Variants in ATF6 observed in about 807,000 individuals in gnomAD.
ATF6 encodes activating transcription factor 6, also known as cyclic AMP-dependent transcription factor ATF-6 alpha.
Under a neutral mutation model 83.6 loss-of-function variants are expected in ATF6, and 53 were observed. That is an observed-to-expected ratio of 0.63 (90% CI 0.51 to 0.80). ATF6 has a LOEUF of 0.80. Ranked by LOEUF, ATF6 falls within the 30% of genes least tolerant of loss-of-function variation. The pLI, the probability that ATF6 is intolerant of heterozygous loss-of-function variation, is 0.00. For synonymous variants in ATF6, 288 were observed against 285.8 expected (o/e 1.01, Z -0.08); for missense variants, 744 against 797.9 (o/e 0.93, Z 0.81).
intron 14 of ATF6, among the ~76,000 whole-genome samples, chr1:161,874,152 A>G (rs1467686646): frequency 1.3e-5 from 2 of 151,654 alleles, no homozygotes. Flanking sequence ...TTTCAAAGTC[A>G]GAACACTGAT....
At chr1:161,782,775 G>A (rs903740640) in intron 3 of ATF6, among the ~76,000 whole-genome samples, 3 of 141,348 alleles carry the variant, frequency 2.1e-5, no homozygotes, top group Admixed American at 7.3e-5. Flanking sequence ...GATACACAAA[G>A]TCAGTGTTCT....
At position 161,937,047 on chromosome 1, in the gene ATF6, C is replaced by G. The variant is rs142855135; in HGVS notation, c.1805-21399C>G. Among the ~76,000 whole-genome samples the G allele has an allele frequency of 1.0e-2, 1,522 of 152,328 alleles. 14 individuals are homozygous for G. The highest frequency in any genetic ancestry group is 0.026 in the South Asian group (125 of 4,822). On this transcript the variant is annotated intron_variant, in intron 15 of 15. Transcript: ENST00000367942. ...CTTTCTTACTTCTTACCTTCTTGCA[C>G]TACCACTTTGGACCAAATCATCAGA...
chr1:161,957,271 T>A (rs1688987133), intron 15 of ATF6, among the ~76,000 whole-genome samples: 1 of 152,216 alleles, frequency 6.6e-6, no homozygotes, highest in Non-Finnish European at 1.5e-5. Flanking sequence ...ACTGGTTGGC[T>A]CTGTGTCATC....
chr1:161,835,550 ATTTC>A (rs1191066000), intron 9 of ATF6, among the ~76,000 whole-genome samples: 1 of 152,124 alleles, frequency 6.6e-6, no homozygotes, highest in Non-Finnish European at 1.5e-5. Context: ...ATAGTTTTGT[ATTTC>A]TTTCTTCCTA....
At chr1:161,920,496 A>T (rs1688190076) in intron 15 of ATF6, among the ~76,000 whole-genome samples, 1 of 151,642 alleles carries the variant, frequency 6.6e-6, no homozygotes, top group Non-Finnish European at 1.5e-5. Flanking sequence ...GGGTTTCATG[A>T]TGTTAGCCAG....
chr1:161,832,248 T>C (rs1290264394), intron 9 of ATF6, among the ~76,000 whole-genome samples: 1 of 152,092 alleles, frequency 6.6e-6, no homozygotes, highest in East Asian at 1.9e-4. Context: ...GTTAAAATTA[T>C]AAAAACAATG....
rs1684265282 is a variant in ATF6, at chr1:161,766,462, G to C, written c.82+20G>C. ...ATTGGGGTGAGTGGGATCTGAGAAT[G>C]TACCAGGGTGGCTCGGGTTCGCGTC... is the stretch of plus-strand genomic sequence containing the variant. On this transcript the variant is annotated intron_variant, in intron 1 of 15. Coordinates refer to ENST00000367942, the MANE Select transcript of ATF6 (RefSeq NM_007348.4). 5.0e-6 allele frequency: 8 copies of C among 1,609,470 alleles called. No homozygotes were observed. Among genetic ancestry groups the C allele is most frequent in the Non-Finnish European group, 6.8e-6 (8 of 1,177,194 alleles).
At chr1:161,839,868 G>C (rs1430198996) in intron 9 of ATF6, among the ~76,000 whole-genome samples, 1 of 152,218 alleles carries the variant, frequency 6.6e-6, no homozygotes, top group African/African-American at 2.4e-5. Flanking sequence ...GCTAAAGAGA[G>C]AGTAGTAGGA....
At chr1:161,863,362 A>G (rs1161661028) in intron 14 of ATF6, 50 bp downstream of exon 14, 1 of 1,196,450 alleles carries the variant, frequency 8.4e-7, no homozygotes, top group South Asian at 1.2e-5. Flanking sequence ...TGCTTGCCGT[A>G]CACAAGACAT....
At chr1:161,921,286 A>C (rs577243992) in intron 15 of ATF6, among the ~76,000 whole-genome samples, 2 of 152,362 alleles carry the variant, frequency 1.3e-5, no homozygotes, top group South Asian at 4.1e-4. Flanking sequence ...CAGATGATTT[A>C]GGTCATTAAT....
In ATF6 at chr1:161,836,239, T is replaced by C. The variant is rs1686210256; in HGVS notation, c.1188-10210T>C. On this transcript the variant is annotated intron_variant, in intron 9 of 15. Transcript: ENST00000367942. The stretch of plus-strand genomic sequence containing the variant: ...TCTAGCTTCTTATCCTGAGATGAGC[T>C]TGTCTCCAAATCTGGTTCCAATTTT... 2.0e-5 allele frequency among the ~76,000 whole-genome samples: 3 copies of C among 152,340 alleles called. No homozygotes were observed. In the South Asian group the frequency reaches 6.2e-4, roughly 32 times the overall value.
chr1:161,863,248 A>T lies in ATF6; in HGVS notation c.1655A>T (p.Tyr552Phe). ...GTGTATTATGCTTCACCCAGAAGTT[A>T]TCAAGACTTTTTTGAAGCCATCCGC... Reference protein sequence around the residue: ...LQVYYASPRSYQDFFEAIRRR... With the variant: ...LQVYYASPRSFQDFFEAIRRR... Residue 552 changes from tyrosine (Y) to phenylalanine (F), a missense_variant, in exon 14 of 16, where the codon TAT (tyrosine) becomes TTT (phenylalanine). Physicochemically the swap from Tyr to Phe is conservative, Grantham distance 22 (BLOSUM62 3). Coordinates refer to ENST00000367942, the MANE Select transcript of ATF6 (RefSeq NM_007348.4). The T allele has an allele frequency of 6.2e-7, 1 of 1,613,460 alleles. No individual in the cohort carries two copies. The highest frequency in any genetic ancestry group is 1.1e-5 in the South Asian group (1 of 91,062).
At chr1:161,767,920 A>G (rs1242286800) in intron 1 of ATF6, among the ~76,000 whole-genome samples, 1 of 152,132 alleles carries the variant, frequency 6.6e-6, no homozygotes, top group Non-Finnish European at 1.5e-5. Context: ...TAATGGCGCA[A>G]TCTTGGCTCA....
At chr1:161,861,644 C>A (rs745645626) in intron 13 of ATF6, among the ~76,000 whole-genome samples, 2 of 152,066 alleles carry the variant, frequency 1.3e-5, no homozygotes, top group African/African-American at 4.8e-5. Context: ...GCTAATTCAC[C>A]TACTAAAATC....
chr1:161,962,221 A>G lies in ATF6; in HGVS notation c.*3567A>G, dbSNP rs1026328897. 5 of 152,136 alleles carry G rather than the reference A, an allele frequency of 3.3e-5. No individual in the cohort carries two copies. Among genetic ancestry groups the G allele is most frequent in the African/African-American group, 4.8e-5 (2 of 41,426 alleles). 9.4% of individuals were successfully genotyped at this position (152,136 alleles called of 1,614,324 possible). ...GTTGACACGGAGGTATTTGAAAGCA[A>G]TGTTATGTGAGTCATTCTTAAGTGT... On this transcript the variant is annotated 3_prime_UTR_variant, in exon 16 of 16. Coordinates refer to ENST00000367942, the MANE Select transcript of ATF6 (RefSeq NM_007348.4).
At chr1:161,836,298 A>G (rs1395232642) in intron 9 of ATF6, among the ~76,000 whole-genome samples, 1 of 152,208 alleles carries the variant, frequency 6.6e-6, no homozygotes, top group Non-Finnish European at 1.5e-5. Context: ...TCGCCATATG[A>G]TATCACTATT....
chr1:161,770,281 A>G (rs1449656155), intron 1 of ATF6, among the ~76,000 whole-genome samples: 1 of 152,218 alleles, frequency 6.6e-6, no homozygotes, highest in African/African-American at 2.4e-5. Flanking sequence ...ACTAAATAGT[A>G]TTACAAAAAT....
intron 14 of ATF6, among the ~76,000 whole-genome samples, chr1:161,874,094 GC>G (rs558216924): frequency 2.2e-3 from 337 of 151,682 alleles, no homozygotes; most frequent in African/African-American, 7.8e-3. Flanking sequence ...AAGTCTAAGT[GC>G]CATTTTGCAT....
intron 12 of ATF6, among the ~76,000 whole-genome samples, chr1:161,856,947 T>C (rs1199180877): frequency 2.0e-5 from 3 of 152,218 alleles, no homozygotes; most frequent in Admixed American, 2.0e-4. Flanking sequence ...CACTTCTTTC[T>C]GTAGGGAGCT....
Sources: allele counts gnomAD v4.1 joint callset (sites outside exome capture counted in the v4.1 genomes callset), GRCh38; gene constraint gnomAD v4.1.1; transcripts MANE v1.5; gene names NCBI Gene and HGNC (gene_info 2026-07-23, HGNC 2026-07-21).